Variants in OXR1 observed in about 807,000 individuals in gnomAD.
OXR1 encodes the protein oxidation resistance protein 1.
OXR1 carries 41 observed loss-of-function variants against 104.6 expected under a neutral mutation model. The ratio of observed to expected loss-of-function variants is 0.39; its 90% CI spans 0.31 to 0.51. The LOEUF (loss-of-function observed/expected upper bound fraction) is 0.51. Among genes scored for constraint, OXR1 ranks in the 20% least tolerant of loss-of-function variants. The pLI, the probability that OXR1 is intolerant of heterozygous loss-of-function variation, is 0.77. For synonymous variants in OXR1, 348 were observed against 348.4 expected, an observed-to-expected ratio of 1.00 and a Z score of 0.01; for missense variants, 955 against 1,031.9, an observed-to-expected ratio of 0.93 and a Z score of 1.02.
rs116733834 is a variant in OXR1, at chr8:106,494,683, T to C, written c.24-24260T>C. Among the ~76,000 whole-genome samples the C allele has an allele frequency of 2.5e-3, 383 of 152,312 alleles. 3 individuals are homozygous for C. Among genetic ancestry groups the C allele is most frequent in the African/African-American group, 8.7e-3 (360 of 41,568 alleles). The stretch of plus-strand genomic sequence containing the variant: ...CTCATTTATATATAAACAAATCTTC[T>C]GGGAAGTGATCAAAATGTAAAGTCC... On this transcript the variant is annotated intron_variant, in intron 2 of 16. Coordinates refer to ENST00000517566, the MANE Select transcript of OXR1 (RefSeq NM_001198533.2).
intron 3 of OXR1, among the ~76,000 whole-genome samples, chr8:106,569,025 CAG>C (rs1389327837): frequency 6.6e-6 from 1 of 152,084 alleles, no homozygotes; most frequent in Non-Finnish European, 1.5e-5. Flanking sequence ...ATGCTGGACA[CAG>C]GGTACGTACT....
chr8:106,712,573 G>C (rs896337097), intron 10 of OXR1, among the ~76,000 whole-genome samples: 1 of 152,024 alleles, frequency 6.6e-6, no homozygotes, highest in Non-Finnish European at 1.5e-5. Flanking sequence ...GATTCCCTTA[G>C]CACCATCTTA....
chr8:106,412,235 G>A (rs1026674462), intron 2 of OXR1, among the ~76,000 whole-genome samples: 1 of 151,700 alleles, frequency 6.6e-6, no homozygotes, highest in Admixed American at 6.6e-5. Context: ...GGCTGCCCCA[G>A]GCTTTTTGTG....
Position 106,538,247 on chromosome 8 carries a change from A to G in OXR1, c.220+19108A>G, listed in dbSNP as rs550082252. ...TTAGGCCTCAAATTCTTGAATTTTA[A>G]TATTTTTAACTGAGATTCATTTTAT... On this transcript the variant is annotated intron_variant, in intron 3 of 16. Transcript: ENST00000517566. Among the ~76,000 whole-genome samples, 6 of 152,344 alleles carry G rather than the reference A, an allele frequency of 3.9e-5. No homozygotes were observed. In the East Asian group the frequency reaches 1.2e-3, roughly 29 times the overall value.
intron 8 of OXR1, among the ~76,000 whole-genome samples, chr8:106,704,167 T>C (rs1426602962): frequency 6.6e-6 from 1 of 152,082 alleles, no homozygotes; most frequent in African/African-American, 2.4e-5. Context: ...AAGGTGTTAG[T>C]ATCCTCTGTA....
At chr8:106,306,435 T>C (rs991104257) in intron 1 of OXR1, among the ~76,000 whole-genome samples, 2 of 152,052 alleles carry the variant, frequency 1.3e-5, no homozygotes, top group East Asian at 3.8e-4. Flanking sequence ...GTTCAAGATA[T>C]TTACCAAAAG....
chr8:106,357,836 A>G (rs989122877), intron 1 of OXR1, among the ~76,000 whole-genome samples: 3 of 152,122 alleles, frequency 2.0e-5, no homozygotes, highest in Non-Finnish European at 1.5e-5. Context: ...TCCGCTTTGC[A>G]GTAAGTAAAA....
intron 2 of OXR1, among the ~76,000 whole-genome samples, chr8:106,416,503 G>T (rs1264724203): frequency 6.6e-6 from 1 of 151,848 alleles, no homozygotes; most frequent in African/African-American, 2.4e-5. Flanking sequence ...TTTAGAATCT[G>T]TATGGAATTA....
At chr8:106,367,352 C>T (rs528976073) in intron 2 of OXR1, among the ~76,000 whole-genome samples, 2 of 152,082 alleles carry the variant, frequency 1.3e-5, no homozygotes, top group East Asian at 1.9e-4. Context: ...CATGAGCCAC[C>T]ACGCCCGATC....
At chr8:106,530,438 T>G (rs1814009300) in intron 3 of OXR1, among the ~76,000 whole-genome samples, 1 of 152,100 alleles carries the variant, frequency 6.6e-6, no homozygotes, top group African/African-American at 2.4e-5. Flanking sequence ...ATTACAGGTG[T>G]GCATAACCGT....
intron 6 of OXR1, among the ~76,000 whole-genome samples, chr8:106,685,658 C>G (rs1828632327): frequency 6.7e-6 from 1 of 149,968 alleles, no homozygotes; most frequent in South Asian, 2.1e-4. Context: ...TGTAATTTGG[C>G]CAGTGATATG....
At chr8:106,607,815 CTT>C (rs908000108) in intron 3 of OXR1, among the ~76,000 whole-genome samples, 4 of 139,612 alleles carry the variant, frequency 2.9e-5, no homozygotes, top group Admixed American at 1.4e-4. Flanking sequence ...TTTTCTTTTT[CTT>C]TTTTTTTTTT....
intron 2 of OXR1, among the ~76,000 whole-genome samples, chr8:106,379,648 G>A (rs1022271603): frequency 5.5e-5 from 8 of 145,478 alleles, no homozygotes; most frequent in Non-Finnish European, 1.0e-4. Context: ...AGCGATTCTC[G>A]TGCCTCAGCC....
intron 2 of OXR1, among the ~76,000 whole-genome samples, chr8:106,385,016 G>A (rs1817314843): frequency 6.6e-6 from 1 of 152,208 alleles, no homozygotes; most frequent in African/African-American, 2.4e-5. Flanking sequence ...CTCCTGGCCT[G>A]TCTTAAAATT....
At chr8:106,390,948 T>C (rs979418044) in intron 2 of OXR1, among the ~76,000 whole-genome samples, 1 of 152,166 alleles carries the variant, frequency 6.6e-6, no homozygotes, top group African/African-American at 2.4e-5. Context: ...ACCCTGTGCC[T>C]GTAGGACTCA....
chr8:106,404,857 C>T (rs1282516355), intron 2 of OXR1, among the ~76,000 whole-genome samples: 3 of 152,108 alleles, frequency 2.0e-5, no homozygotes, highest in Admixed American at 6.5e-5. Flanking sequence ...AGGTTCCCAC[C>T]ACCACGCTTG....
intron 2 of OXR1, among the ~76,000 whole-genome samples, chr8:106,515,231 A>G (rs1421322849): frequency 2.0e-5 from 3 of 152,068 alleles, no homozygotes; most frequent in African/African-American, 7.2e-5. Flanking sequence ...AGGGTACAAA[A>G]TGATGTTTTG....
rs535176718 is a variant in OXR1, at chr8:106,420,010, A to G, written c.23+60374A>G. ...TCTTAGGGCAGAAAGGAAGGAAAGC[A>G]TTTTTATGTAAAGAGGAGGAAAATA... is the stretch of plus-strand genomic sequence containing the variant. On this transcript the variant is annotated intron_variant, in intron 2 of 16. Transcript: ENST00000517566. Among the ~76,000 whole-genome samples the G allele has an allele frequency of 1.5e-3, 226 of 152,268 alleles. 1 individual carries two copies. Among genetic ancestry groups the G allele is most frequent in the African/African-American group, 5.3e-3 (222 of 41,570 alleles).
Position 106,713,923 on chromosome 8 carries a change from A to G in OXR1, c.1894A>G (p.Lys632Glu). The G allele has an allele frequency of 6.3e-7, 1 of 1,597,570 alleles. No individual in the cohort carries two copies. The highest frequency in any genetic ancestry group is 8.5e-7 in the Non-Finnish European group (1 of 1,175,076). The change falls in exon 11 of 17, where the codon AAG becomes GAG. Residue 632 changes from lysine to glutamate, a missense_variant. Coordinates refer to ENST00000517566, the MANE Select transcript of OXR1 (RefSeq NM_001198533.2). ...AGAACCTGGATTTATAGTAGTAAAA[A>G]AGATTGAGGAGTCTGAAACAATTGA... Reference protein sequence around the residue: ...TREPGFIVVKKIEESETIEDS... With the variant: ...TREPGFIVVKEIEESETIEDS...
Sources: allele counts gnomAD v4.1 joint callset (sites outside exome capture counted in the v4.1 genomes callset), GRCh38; gene constraint gnomAD v4.1.1; transcripts MANE v1.5; gene names NCBI Gene and HGNC (gene_info 2026-07-23, HGNC 2026-07-21).